The following SUMF2 variants were observed in gnomAD, a reference collection of about 807,000 sequenced individuals.
SUMF2 encodes the protein sulfatase modifying factor 2.
Under a neutral mutation model 44.8 loss-of-function variants are expected in SUMF2, and 45 were observed. The observed-to-expected ratio is 1.00, with a 90% CI of 0.79 to 1.29. The LOEUF (loss-of-function observed/expected upper bound fraction) is 1.29. SUMF2 is among the 50% of genes most tolerant of loss of function. The probability of loss-of-function intolerance (pLI) is 0.00; values close to 1 mark genes in which losing one functional copy is unlikely to be tolerated. For missense variants in SUMF2, 418 were observed against 389.9 expected, an observed-to-expected ratio of 1.07 and a Z score of -0.61; for synonymous variants, 148 against 150.4, an observed-to-expected ratio of 0.98 and a Z score of 0.12.
chr7:56,076,748 T>G (rs911816838), intron 5 of SUMF2, 86 bp from the exon 6 acceptor site: 41 of 1,290,046 alleles, frequency 3.2e-5, no homozygotes, highest in Non-Finnish European at 1.7e-5. Flanking sequence ...AACTTCCTTT[T>G]GATTCCCTCA....
intron 1 of SUMF2, among the ~76,000 whole-genome samples, chr7:56,065,704 CA>C (rs927580780): frequency 9.4e-4 from 143 of 152,208 alleles, no homozygotes; most frequent in African/African-American, 3.4e-3. Context: ...ATCCCTGCCT[CA>C]GTTTCCCAAA....
chr7:56,075,698 CAAAA>C (rs749604404), intron 5 of SUMF2, among the ~76,000 whole-genome samples: 1 of 99,068 alleles, frequency 1.0e-5, no homozygotes, highest in Non-Finnish European at 2.1e-5. Flanking sequence ...GACTCCGTCT[CAAAA>C]AAAAAAAAAA....
chr7:56,072,909 C>A, intron 2 of SUMF2, 88 bp from the exon 3 acceptor site: 1 of 874,736 alleles, frequency 1.1e-6, no homozygotes, highest in Non-Finnish European at 1.9e-6. Flanking sequence ...ACTTACAGGA[C>A]AGGGATATCT....
At position 56,078,316 on chromosome 7, in the gene SUMF2, G is replaced by T. The variant is rs760530481; in HGVS notation, c.677-48G>T. On this transcript the variant is annotated intron_variant, in intron 7 of 8. Transcript: ENST00000434526. ...CCCCAGGACCTCAGAGGGTAGGCGG[G>T]GTGGTCGGCGGGTCCCAGCCTGGCC... 3.9e-6 allele frequency: 6 copies of T among 1,558,038 alleles called. No homozygotes were observed. In the East Asian group the frequency reaches 1.4e-4, roughly 35 times the overall value.
At chr7:56,075,846 A>G (rs1327369591) in intron 5 of SUMF2, among the ~76,000 whole-genome samples, 1 of 152,070 alleles carries the variant, frequency 6.6e-6, no homozygotes, top group Non-Finnish European at 1.5e-5. Flanking sequence ...CAGGTACATC[A>G]GTGATCAAAG....
In SUMF2 at chr7:56,074,633, G is replaced by A. The variant is rs1795411863; in HGVS notation, c.432G>A (p.Val144=). 1 of 1,614,192 alleles carries A rather than the reference G, an allele frequency of 6.2e-7. No individual in the cohort carries two copies. ...TCCGAGAGAGACTGGAGCACCCAGT[G>A]TTACACGTGAGCTGGAATGACGCCC... ...SGIRERLEHP[V]LHVSWNDARA... Residue 144 remains valine (V), a synonymous_variant, in exon 5 of 9, where the codon GTG becomes GTA. Coordinates refer to ENST00000434526, the MANE Select transcript of SUMF2 (RefSeq NM_015411.4).
At chr7:56,083,373 A>G (rs1796110049), downstream of SUMF2, 3 of 1,614,042 alleles carry the variant, frequency 1.9e-6, no homozygotes, top group Non-Finnish European at 2.5e-6. Flanking sequence ...CTCGGGCTTC[A>G]GGTCCCGGTG....
At chr7:56,079,323 C>T (rs757280337) in intron 8 of SUMF2, 5 of 591,750 alleles carry the variant, frequency 8.4e-6, no homozygotes, top group Non-Finnish European at 1.5e-5. Context: ...CCTTTTGTCC[C>T]AAAGCCCCTT....
At chr7:56,068,699 TC>T in intron 2 of SUMF2, 61 bp downstream of exon 2, 4 of 1,534,292 alleles carry the variant, frequency 2.6e-6, no homozygotes, top group Admixed American at 4.3e-5. Flanking sequence ...CTTTTTTCTT[TC>T]TTTTTTTTTT....
At chr7:56,080,737 G>A, downstream of SUMF2, 1 of 391,696 alleles carries the variant, frequency 2.6e-6, no homozygotes, top group Non-Finnish European at 4.7e-6. Context: ...CAGTAACTCT[G>A]GGCCTCCCCT....
chr7:56,081,919 C>T (rs1024192978), downstream of SUMF2: 3 of 1,613,690 alleles, frequency 1.9e-6, no homozygotes, highest in Non-Finnish European at 2.5e-6. This position sits in a 1 kb window ranked among gnomAD's most constrained non-coding sequence, Gnocchi z 4.6. Context: ...TCCGAGTAAT[C>T]ATCCCACTCG....
chr7:56,081,856 G>A (rs369986453), downstream of SUMF2: 22 of 1,611,562 alleles, frequency 1.4e-5, no homozygotes, highest in Middle Eastern at 3.3e-4. This position sits in a 1 kb window ranked among gnomAD's most constrained non-coding sequence, Gnocchi z 4.6. Flanking sequence ...TGGCATCGCA[G>A]CCCTGAGCCC....
chr7:56,082,189 G>GT, downstream of SUMF2: 1 of 1,613,980 alleles, frequency 6.2e-7, no homozygotes, highest in South Asian at 1.1e-5. Context: ...CGTAGCCCGG[G>GT]TGGTCCTCAT....
downstream of SUMF2, among the ~76,000 whole-genome samples, chr7:56,082,782 A>G (rs1354873075): frequency 1.3e-5 from 2 of 152,012 alleles, no homozygotes; most frequent in East Asian, 3.9e-4. Flanking sequence ...GAACAAGGGT[A>G]ATGGGAACCT....
At chr7:56,075,412 T>C (rs1042691860) in intron 5 of SUMF2, among the ~76,000 whole-genome samples, 5 of 151,796 alleles carry the variant, frequency 3.3e-5, no homozygotes, top group African/African-American at 1.2e-4. Flanking sequence ...AGTCACTGTT[T>C]GCGGCCGGGC....
chr7:56,068,036 T>C (rs1212131203), intron 1 of SUMF2, among the ~76,000 whole-genome samples: 2 of 18,094 alleles, frequency 1.1e-4, no homozygotes, highest in Non-Finnish European at 1.5e-4. Context: ...TCTTTCTTTT[T>C]TTTTTTTTTT....
downstream of SUMF2, chr7:56,084,316 A>G (rs1796156460): frequency 1.2e-6 from 1 of 847,448 alleles, no homozygotes; most frequent in Non-Finnish European, 1.9e-6. Flanking sequence ...AGAGGGGACT[A>G]TGAACCACTG....
At chr7:56,086,820 C>G in the SUMF2 span, 1 of 667,504 alleles carries the variant, frequency 1.5e-6, no homozygotes, top group Non-Finnish European at 2.7e-6. Flanking sequence ...GCAGCCTGAC[C>G]CCAGGGGCTG....
chr7:56,068,533 T>C lies in SUMF2; in HGVS notation c.119T>C (p.Met40Thr), dbSNP rs770673630. 6 of 1,613,988 alleles carry C rather than the reference T, an allele frequency of 3.7e-6. No homozygotes were observed. The highest frequency in any genetic ancestry group is 5.1e-6 in the Non-Finnish European group (6 of 1,179,966). Reference sequence around the variant, plus strand: ...CAACTGCAGGGTGGGAGATTCCTGATGGGAACAAATTCTCCAGACAGCAGA... The same window carrying C: ...CAACTGCAGGGTGGGAGATTCCTGACGGGAACAAATTCTCCAGACAGCAGA... ...MVQLQGGRFL[M>T]GTNSPDSRDG... is the part of the protein sequence containing the mutation. Residue 40 changes from methionine to threonine, a missense_variant, in exon 2 of 9, where the codon ATG becomes ACG. By Grantham distance (81) the Met-to-Thr change is moderately conservative. Coordinates refer to ENST00000434526, the MANE Select transcript of SUMF2 (RefSeq NM_015411.4).
Sources: gnomAD v4.1 joint callset for allele counts (sites outside exome capture counted in the v4.1 genomes callset) on GRCh38, gnomAD v4.1.1 for gene constraint, Gnocchi (gnomAD v3.1) non-coding constraint, MANE v1.5 for transcripts, NCBI Gene and HGNC (gene_info 2026-07-23, HGNC 2026-07-21) for gene names.